Variants in CD274 observed in about 807,000 individuals in gnomAD.
CD274 encodes the protein programmed cell death 1 ligand 1.
CD274 carries 8 observed loss-of-function variants against 30.1 expected under a neutral mutation model. The ratio of observed to expected loss-of-function variants is 0.27; its 90% CI spans 0.16 to 0.48. The LOEUF (loss-of-function observed/expected upper bound fraction) is 0.48, where lower values mean the gene tolerates loss of function less well. Ranked by LOEUF, CD274 falls within the 20% of genes least tolerant of loss-of-function variation. CD274 has a pLI of 0.99. For synonymous variants in CD274, 152 were observed against 124.6 expected (o/e 1.22, Z -1.46); for missense variants, 353 against 346.6 (o/e 1.02, Z -0.15).
At chr9:5,456,331 T>C (rs1320033885) in intron 2 of CD274, among the ~76,000 whole-genome samples, 166 bp downstream of exon 2, 2 of 152,224 alleles carry the variant, frequency 1.3e-5, no homozygotes, top group Admixed American at 1.3e-4. Context: ...CTTTACGCAA[T>C]GATAAAGTTA....
At chr9:5,462,468 TTTAAA>T (rs1349201053) in intron 3 of CD274, among the ~76,000 whole-genome samples, 3 of 152,252 alleles carry the variant, frequency 2.0e-5, no homozygotes, top group Admixed American at 6.5e-5. Context: ...GATAATTCTC[TTTAAA>T]TTATTTTTTG....
chr9:5,459,887 C>T (rs1819374262), intron 3 of CD274, among the ~76,000 whole-genome samples: 1 of 151,990 alleles, frequency 6.6e-6, no homozygotes, highest in Non-Finnish European at 1.5e-5. Context: ...TGTCATTCCC[C>T]ACCAACCCCA....
In CD274 at chr9:5,462,267, G is replaced by C. The variant is rs187415368; in HGVS notation, c.395-567G>C. Among the ~76,000 whole-genome samples, 237 of 152,216 alleles carry C rather than the reference G, an allele frequency of 1.6e-3. 6 individuals carry two copies. Among genetic ancestry groups the C allele is most frequent in the Admixed American group, 0.015 (234 of 15,298 alleles). On this transcript the variant is annotated intron_variant, in intron 3 of 6. Transcript: ENST00000381577. ...ATGACACCTCAAAATCAGGTTTTCTGTTTACTGAAGTCTAAGAAAAGAAAG... is the reference window on the plus strand; with the variant it reads ...ATGACACCTCAAAATCAGGTTTTCTCTTTACTGAAGTCTAAGAAAAGAAAG...
intron 4 of CD274, 90 bp from the exon 5 acceptor site, chr9:5,465,409 A>T (rs377767078): frequency 5.1e-4 from 368 of 725,666 alleles, no homozygotes; most frequent in African/African-American, 3.6e-3. Flanking sequence ...CTAAAGCTAA[A>T]CTAAACTTCA....
chr9:5,458,952 C>T (rs1444347963), intron 3 of CD274, among the ~76,000 whole-genome samples: 1 of 152,134 alleles, frequency 6.6e-6, no homozygotes, highest in South Asian at 2.1e-4. Context: ...AGAGTATAAT[C>T]CTGGCAGTCA....
chr9:5,459,548 C>T (rs951784644), intron 3 of CD274, among the ~76,000 whole-genome samples: 7 of 152,182 alleles, frequency 4.6e-5, no homozygotes, highest in Admixed American at 6.5e-5. Context: ...AACATAGCTT[C>T]CCCACAGGAG....
At chr9:5,450,699 G>C (rs1819186161) in intron 1 of CD274, 103 bp downstream of exon 1, 1 of 152,334 alleles carries the variant, frequency 6.6e-6, no homozygotes, top group South Asian at 2.1e-4. Flanking sequence ...CTTTGGGATG[G>C]AGAGAGGAGA....
At chr9:5,456,067 A>G in intron 1 of CD274, 33 bp from the exon 2 acceptor site, 1 of 1,180,238 alleles carries the variant, frequency 8.5e-7, no homozygotes, top group Non-Finnish European at 1.3e-6. Context: ...TTATTAAGTG[A>G]AGCAGTCTTC....
chr9:5,458,541 C>G (rs532009580), intron 3 of CD274, among the ~76,000 whole-genome samples: 4 of 152,310 alleles, frequency 2.6e-5, no homozygotes, highest in Middle Eastern at 3.4e-3. Flanking sequence ...TAACTACCAT[C>G]AATCTGAGGG....
chr9:5,460,322 G>A (rs887604735), intron 3 of CD274, among the ~76,000 whole-genome samples: 1 of 152,098 alleles, frequency 6.6e-6, no homozygotes, highest in African/African-American at 2.4e-5. Flanking sequence ...CTACTATCGA[G>A]TACTACTACA....
intron 1 of CD274, among the ~76,000 whole-genome samples, chr9:5,454,148 G>A (rs1362154805): frequency 1.3e-5 from 2 of 152,010 alleles, no homozygotes; most frequent in Non-Finnish European, 2.9e-5. Context: ...AACATTCTAC[G>A]GTTTGGTAAG....
chr9:5,461,537 A>T (rs1405594522), intron 3 of CD274, among the ~76,000 whole-genome samples: 1 of 152,094 alleles, frequency 6.6e-6, no homozygotes, highest in Non-Finnish European at 1.5e-5. Flanking sequence ...GCCGTTTTGT[A>T]TTAACTCTCT....
chr9:5,463,350 G>T, intron 4 of CD274: 1 of 530,720 alleles, frequency 1.9e-6, no homozygotes, highest in South Asian at 2.2e-5. Context: ...TCCATGCATT[G>T]TAGTACTCAT....
chr9:5,460,580 C>A (rs1218748121), intron 3 of CD274, among the ~76,000 whole-genome samples: 1 of 152,022 alleles, frequency 6.6e-6, no homozygotes, highest in Non-Finnish European at 1.5e-5. Context: ...AGTAATTTGC[C>A]CAAATTCACC....
chr9:5,456,077 C>G, intron 1 of CD274, 23 bp from the exon 2 acceptor site: 1 of 1,385,398 alleles, frequency 7.2e-7, no homozygotes, highest in African/African-American at 1.4e-5. Context: ...AAGCAGTCTT[C>G]TTTTCGTGTT....
chr9:5,466,069 C>T (rs1819493534), intron 5 of CD274, among the ~76,000 whole-genome samples: 2 of 152,238 alleles, frequency 1.3e-5, no homozygotes, highest in South Asian at 2.1e-4. Flanking sequence ...TCTCCATTTA[C>T]CTGTGGGAAC....
At chr9:5,467,040 T>G (rs1455621223) in intron 6 of CD274, among the ~76,000 whole-genome samples, 1 of 152,126 alleles carries the variant, frequency 6.6e-6, no homozygotes, top group African/African-American at 2.4e-5. Context: ...GCTAATCTTC[T>G]GTTGCCCTGC....
chr9:5,463,584 A>T (rs1435177386), intron 4 of CD274, among the ~76,000 whole-genome samples: 2 of 152,210 alleles, frequency 1.3e-5, no homozygotes, highest in African/African-American at 2.4e-5. Flanking sequence ...GGCAGGAAAT[A>T]AATGGAACAT....
At chr9:5,459,927 A>G (rs1255224775) in intron 3 of CD274, among the ~76,000 whole-genome samples, 1 of 151,898 alleles carries the variant, frequency 6.6e-6, no homozygotes, top group Non-Finnish European at 1.5e-5. Context: ...GCCCTGTTTA[A>G]GTGTTCTCTG....
Sources: allele counts gnomAD v4.1 joint callset (sites outside exome capture counted in the v4.1 genomes callset), GRCh38; gene constraint gnomAD v4.1.1; transcripts MANE v1.5; gene names NCBI Gene and HGNC (gene_info 2026-07-23, HGNC 2026-07-21).